Variants in ADAMTSL3 observed in about 807,000 individuals in gnomAD.
The protein encoded by ADAMTSL3 is ADAMTS-like protein 3.
Under a neutral mutation model 201.7 loss-of-function variants are expected in ADAMTSL3, and 128 were observed. The observed-to-expected ratio is 0.63, with a 90% CI of 0.55 to 0.73. The LOEUF (loss-of-function observed/expected upper bound fraction) is 0.73. Ranked by LOEUF, ADAMTSL3 falls within the 30% of genes least tolerant of loss-of-function variation. The pLI is 0.00. For synonymous variants in ADAMTSL3, 738 were observed against 748.4 expected, an observed-to-expected ratio of 0.99 and a Z score of 0.23; for missense variants, 1,990 against 2,119.6, an observed-to-expected ratio of 0.94 and a Z score of 1.20.
intron 17 of ADAMTSL3, among the ~76,000 whole-genome samples, chr15:83,929,193 A>G (rs1224576360): frequency 6.6e-6 from 1 of 152,198 alleles, no homozygotes; most frequent in Non-Finnish European, 1.5e-5. Context: ...CTACTTTGGC[A>G]TGTGTTTCTT....
intron 3 of ADAMTSL3, among the ~76,000 whole-genome samples, chr15:83,726,764 C>T (rs1455699596): frequency 1.3e-5 from 2 of 151,870 alleles, no homozygotes; most frequent in Non-Finnish European, 2.9e-5. Flanking sequence ...GATGAATAAT[C>T]TTTCTAATTT....
intron 9 of ADAMTSL3, among the ~76,000 whole-genome samples, chr15:83,872,627 C>CACACACACACAGAGAGAG (rs6145659): frequency 2.1e-5 from 3 of 140,918 alleles, no homozygotes; most frequent in African/African-American, 5.6e-5. Flanking sequence ...CACACACACA[C>CACACACACACAGAGAGAG]AGAGTTTTTG....
At chr15:83,854,032 A>G (rs937322607) in intron 7 of ADAMTSL3, among the ~76,000 whole-genome samples, 2 of 152,110 alleles carry the variant, frequency 1.3e-5, no homozygotes, top group African/African-American at 4.8e-5. Flanking sequence ...AAGTATTAAT[A>G]CTTTAGCATG....
intron 3 of ADAMTSL3, among the ~76,000 whole-genome samples, chr15:83,752,110 AAG>A (rs2062645774): frequency 6.6e-6 from 1 of 152,238 alleles, no homozygotes; most frequent in Non-Finnish European, 1.5e-5. Flanking sequence ...ACAAAATGAA[AAG>A]AGAATGAAGA....
chr15:83,956,877 A>G (rs879782564), intron 19 of ADAMTSL3, among the ~76,000 whole-genome samples: 4 of 152,098 alleles, frequency 2.6e-5, no homozygotes, highest in Admixed American at 6.6e-5. Flanking sequence ...TTACAAACTC[A>G]CTCATTTAAT....
At chr15:83,959,060 T>C (rs2066909118) in intron 19 of ADAMTSL3, among the ~76,000 whole-genome samples, 1 of 152,088 alleles carries the variant, frequency 6.6e-6, no homozygotes, top group African/African-American at 2.4e-5. Context: ...AGAACAAAAC[T>C]TAATGGCTCA....
chr15:84,010,658 A>C (rs1327984334), intron 23 of ADAMTSL3, among the ~76,000 whole-genome samples: 1 of 152,234 alleles, frequency 6.6e-6, no homozygotes, highest in Non-Finnish European at 1.5e-5. Context: ...TAGATGGATG[A>C]ATGAATGAAT....
At chr15:83,953,538 A>G (rs935427145) in intron 19 of ADAMTSL3, among the ~76,000 whole-genome samples, 1 of 152,114 alleles carries the variant, frequency 6.6e-6, no homozygotes. Context: ...TTGGTTCATC[A>G]TTTAGACTTT....
intron 27 of ADAMTSL3, among the ~76,000 whole-genome samples, chr15:84,030,730 G>T (rs1395061481): frequency 2.0e-5 from 3 of 152,128 alleles, no homozygotes; most frequent in Non-Finnish European, 4.4e-5. Context: ...AGGGGCCACG[G>T]GCAGAATGAT....
intron 25 of ADAMTSL3, among the ~76,000 whole-genome samples, chr15:84,017,339 G>A (rs1446775495): frequency 1.3e-5 from 2 of 152,112 alleles, no homozygotes; most frequent in South Asian, 2.1e-4. Context: ...GGATGATCTC[G>A]ATCTCCTGAC....
rs567177591 is a variant in ADAMTSL3 at position 83,827,351 on chromosome 15, T to G, written c.600+7304T>G. ...TTATATCCTTTGCCCACTTTTTGAC[T>G]GGGTTGTTTGTTTTTTTCTTGTAAA... On this transcript the variant is annotated intron_variant, in intron 6 of 29. Coordinates refer to ENST00000286744, the MANE Select transcript of ADAMTSL3 (RefSeq NM_207517.3). 1.4e-4 allele frequency among the ~76,000 whole-genome samples: 21 copies of G among 152,220 alleles called. No individual in the cohort carries two copies. The South Asian group carries it at 2.9e-3, about 21-fold the overall frequency.
chr15:83,666,548 G>C (rs2061250095), intron 2 of ADAMTSL3, among the ~76,000 whole-genome samples: 1 of 152,060 alleles, frequency 6.6e-6, no homozygotes, highest in Admixed American at 6.6e-5. Context: ...ATTAGAAATG[G>C]AATAACAGGA....
chr15:83,676,754 G>T (rs960542435), intron 2 of ADAMTSL3, among the ~76,000 whole-genome samples: 7 of 152,180 alleles, frequency 4.6e-5, no homozygotes, highest in African/African-American at 1.4e-4. Context: ...ACTCATGAGG[G>T]CAAGCCCTCC....
intron 20 of ADAMTSL3, among the ~76,000 whole-genome samples, chr15:83,971,819 GA>G (rs1389018009): frequency 6.7e-6 from 1 of 148,822 alleles, no homozygotes; most frequent in Non-Finnish European, 1.5e-5. Context: ...GTTTGGTAAG[GA>G]AAAAAATTAA....
chr15:83,997,038 T>C lies in ADAMTSL3; in HGVS notation c.3973+5824T>C, dbSNP rs189534932. 2.0e-3 allele frequency among the ~76,000 whole-genome samples: 312 copies of C among 152,320 alleles called. 1 individual carries two copies. Among genetic ancestry groups the C allele is most frequent in the African/African-American group, 6.9e-3 (287 of 41,580 alleles). ...CATACACTGCTGGTCACAGTGTATA[T>C]GTAATGAACCAATTTAGAGAACAAT... On this transcript the variant is annotated intron_variant, in intron 23 of 29. Transcript: ENST00000286744.
intron 7 of ADAMTSL3, among the ~76,000 whole-genome samples, chr15:83,843,263 A>T (rs556101411): frequency 6.7e-6 from 1 of 149,918 alleles, no homozygotes; most frequent in African/African-American, 2.5e-5. Flanking sequence ...AAAAAAATCA[A>T]TTTCTACGTA....
rs1381768615 is a variant in ADAMTSL3 at position 83,926,120 on chromosome 15, G to GT, written c.2117+2089dup. ...TTGGTGGGGCAGGGAAGCCGGGGAG[G>GT]TTGGTGCAGGTCATTCCTGAGGAAG... On this transcript the variant is annotated intron_variant, in intron 17 of 29. Coordinates refer to ENST00000286744, the MANE Select transcript of ADAMTSL3 (RefSeq NM_207517.3). 5.3e-5 allele frequency among the ~76,000 whole-genome samples: 8 copies of GT among 152,328 alleles called. No individual in the cohort carries two copies. In the East Asian group the frequency reaches 1.5e-3, roughly 29 times the overall value.
intron 4 of ADAMTSL3, among the ~76,000 whole-genome samples, chr15:83,800,315 G>T (rs1263976549): frequency 6.6e-6 from 1 of 152,136 alleles, no homozygotes; most frequent in African/African-American, 2.4e-5. Flanking sequence ...TGCTGCAATT[G>T]TAGTGGGATT....
intron 3 of ADAMTSL3, among the ~76,000 whole-genome samples, chr15:83,731,230 C>T (rs1228106542): frequency 6.6e-6 from 1 of 151,952 alleles, no homozygotes; most frequent in African/African-American, 2.4e-5. Flanking sequence ...ATGCTTCCAA[C>T]TAACTGGATT....
Sources: gnomAD v4.1 joint callset for allele counts (sites outside exome capture counted in the v4.1 genomes callset) on GRCh38, gnomAD v4.1.1 for gene constraint, MANE v1.5 for transcripts, NCBI Gene and HGNC (gene_info 2026-07-23, HGNC 2026-07-21) for gene names.